The following DAB1 variants were observed in gnomAD, a reference collection of about 807,000 sequenced individuals.
DAB1 encodes disabled homolog 1.
In DAB1, 15 loss-of-function variants were observed where a neutral mutation model predicts 64.6. That is an observed-to-expected ratio of 0.23 (90% CI 0.16 to 0.36). The LOEUF is 0.36. Among genes scored for constraint, DAB1 ranks in the 10% least tolerant of loss-of-function variants. The pLI is 1.00. For synonymous variants in DAB1, 235 were observed against 251.9 expected (o/e 0.93, Z 0.64); for missense variants, 596 against 706.7 (o/e 0.84, Z 1.78).
intron 1 of DAB1, among the ~76,000 whole-genome samples, chr1:57,303,045 C>A (rs1673800241): frequency 6.6e-6 from 1 of 152,156 alleles, no homozygotes; most frequent in African/African-American, 2.4e-5. Context: ...AATGCCCTTC[C>A]CCAAAGATGC....
chr1:58,478,634 A>G (rs1419148628), intron 3 of DAB1, among the ~76,000 whole-genome samples: 1 of 152,194 alleles, frequency 6.6e-6, no homozygotes, highest in African/African-American at 2.4e-5. Context: ...CTTTGAACAG[A>G]TAATTATTGT....
intron 4 of DAB1, among the ~76,000 whole-genome samples, chr1:58,291,698 GT>G (rs2100450651): frequency 6.6e-6 from 1 of 152,314 alleles, no homozygotes; most frequent in African/African-American, 2.4e-5. Flanking sequence ...GCAGAATGAG[GT>G]AAACGGTATT....
At chr1:57,063,802 C>T (rs936634586) in intron 8 of DAB1, among the ~76,000 whole-genome samples, 3 of 152,186 alleles carry the variant, frequency 2.0e-5, no homozygotes, top group African/African-American at 4.8e-5. Flanking sequence ...ATGATACTAA[C>T]GATAGTGGAT....
At chr1:58,183,059 T>C (rs979593791) in intron 4 of DAB1, among the ~76,000 whole-genome samples, 1 of 152,018 alleles carries the variant, frequency 6.6e-6, no homozygotes, top group South Asian at 2.1e-4. Context: ...ATGTTTCCAA[T>C]CAGTTTTTCT....
chr1:58,053,975 A>G (rs926111314), intron 5 of DAB1, among the ~76,000 whole-genome samples: 3 of 152,214 alleles, frequency 2.0e-5, no homozygotes, highest in African/African-American at 4.8e-5. Flanking sequence ...TTTCACTTGT[A>G]TGCTATACTG....
At chr1:58,449,412 A>G (rs1313822376) in intron 3 of DAB1, among the ~76,000 whole-genome samples, 1 of 152,140 alleles carries the variant, frequency 6.6e-6, no homozygotes, top group Non-Finnish European at 1.5e-5. Flanking sequence ...GGTCCTTGAA[A>G]CAAAGCCTAC....
In DAB1 at chr1:57,004,144, A is replaced by G. The variant is rs190805671; in HGVS notation, c.*16-6016T>C. Among the ~76,000 whole-genome samples the G allele has an allele frequency of 5.9e-5, 9 of 152,274 alleles. No individual in the cohort carries two copies. In the East Asian group the frequency reaches 1.4e-3, roughly 23 times the overall value. ...ACAAGGGGTACTTTCCCAAAGCTAT[A>G]CAGGAGACAGTGGAGAGCCAGGGAG... On this transcript the variant is annotated intron_variant, in intron 14 of 14. Transcript: ENST00000371236.
At chr1:58,240,794 T>G (rs1009582511) in intron 4 of DAB1, among the ~76,000 whole-genome samples, 1 of 152,148 alleles carries the variant, frequency 6.6e-6, no homozygotes, top group African/African-American at 2.4e-5. Flanking sequence ...TATCCACATT[T>G]CCAATAAGCA....
At chr1:57,714,914 C>T (rs1570762112) in intron 6 of DAB1, among the ~76,000 whole-genome samples, 1 of 152,090 alleles carries the variant, frequency 6.6e-6, no homozygotes, top group Non-Finnish European at 1.5e-5. Context: ...AGTTAAAGAA[C>T]ATTTGGAAAT....
intron 2 of DAB1, among the ~76,000 whole-genome samples, chr1:58,507,064 T>C (rs576879398): frequency 1.6e-3 from 250 of 152,108 alleles, no homozygotes; most frequent in African/African-American, 5.6e-3. Flanking sequence ...TATCTGATAG[T>C]GGAGAGGGAG....
intron 5 of DAB1, among the ~76,000 whole-genome samples, chr1:58,006,754 CCT>C (rs1325507310): frequency 6.6e-6 from 1 of 152,228 alleles, no homozygotes; most frequent in Non-Finnish European, 1.5e-5. Context: ...TGAATGATTC[CCT>C]CTCTCGCAAG....
intron 3 of DAB1, among the ~76,000 whole-genome samples, chr1:58,484,807 A>G (rs1475853310): frequency 1.3e-5 from 2 of 152,162 alleles, no homozygotes; most frequent in African/African-American, 2.4e-5. Flanking sequence ...AAAAAAGCCA[A>G]TCTGAAAAGG....
chr1:57,818,921 T>A (rs1651991989), intron 6 of DAB1, among the ~76,000 whole-genome samples: 1 of 152,200 alleles, frequency 6.6e-6, no homozygotes, highest in Non-Finnish European at 1.5e-5. Context: ...TCTTCAATTA[T>A]ACAACTCTAT....
At chr1:58,387,717 CTTTTCTTTTTT>C (rs1442128181) in intron 3 of DAB1, among the ~76,000 whole-genome samples, 1 of 102,852 alleles carries the variant, frequency 9.7e-6, no homozygotes, top group African/African-American at 3.9e-5. Flanking sequence ...TTTTTCTTTT[CTTTTCTTTTTT>C]TTTTTTTTTT....
At chr1:58,186,226 G>A (rs1448007368) in intron 4 of DAB1, among the ~76,000 whole-genome samples, 1 of 152,130 alleles carries the variant, frequency 6.6e-6, no homozygotes, top group Non-Finnish European at 1.5e-5. Context: ...CAAACAGCAA[G>A]CATCAAGGGC....
chr1:58,165,455 G>A (rs7526303), intron 4 of DAB1, among the ~76,000 whole-genome samples: 7,854 of 152,100 alleles, frequency 0.052, 245 homozygotes, highest in Admixed American at 0.079. Flanking sequence ...CTCTCTTCTC[G>A]GTCCTCGCTC....
At chr1:57,260,800 G>C (rs1237020552) in intron 2 of DAB1, among the ~76,000 whole-genome samples, 2 of 152,148 alleles carry the variant, frequency 1.3e-5, no homozygotes, top group African/African-American at 4.8e-5. Flanking sequence ...CATGCAAGCA[G>C]GGCCTGGGCA....
chr1:57,435,315 T>C (rs141997321), intron 7 of DAB1, among the ~76,000 whole-genome samples: 3,949 of 152,164 alleles, frequency 0.026, 163 homozygotes, highest in African/African-American at 0.09. Context: ...TCCCAAGGTG[T>C]TGGGATTACA....
intron 3 of DAB1, among the ~76,000 whole-genome samples, chr1:58,403,285 A>AT (rs1305192278): frequency 7.5e-6 from 1 of 133,354 alleles, no homozygotes; most frequent in South Asian, 2.7e-4. Context: ...ATAGTTATCT[A>AT]TTTTTTGCAG....
Sources: gnomAD v4.1 joint callset for allele counts (sites outside exome capture counted in the v4.1 genomes callset) on GRCh38, gnomAD v4.1.1 for gene constraint, MANE v1.5 for transcripts, NCBI Gene and HGNC (gene_info 2026-07-23, HGNC 2026-07-21) for gene names.